Variants in TRPM3 observed in about 807,000 individuals in gnomAD.
The protein encoded by TRPM3 is transient receptor potential cation channel subfamily M member 3, also known as long transient receptor potential channel 3.
Under a neutral mutation model 181.2 loss-of-function variants are expected in TRPM3, and 77 were observed. That is an observed-to-expected ratio of 0.42 (90% CI 0.35 to 0.51). The LOEUF (loss-of-function observed/expected upper bound fraction) is 0.51, where lower values mean the gene tolerates loss of function less well. Among genes scored for constraint, TRPM3 ranks in the 20% least tolerant of loss-of-function variants. TRPM3 has a pLI of 0.01. For missense variants in TRPM3, 1,759 were observed against 2,196.7 expected, an observed-to-expected ratio of 0.80 and a Z score of 3.98; for synonymous variants, 745 against 796.4, an observed-to-expected ratio of 0.94 and a Z score of 1.09.
At chr9:70,777,204 C>T (rs2081526728) in intron 7 of TRPM3, among the ~76,000 whole-genome samples, 2 of 152,002 alleles carry the variant, frequency 1.3e-5, no homozygotes, top group South Asian at 4.2e-4. Context: ...AATTATGCAA[C>T]TATGTTTTCT....
Position 70,862,892 on chromosome 9 carries a change from A to C in TRPM3, c.462+16T>G, listed in dbSNP as rs752731224. On this transcript the variant is annotated intron_variant, in intron 3 of 25. Coordinates refer to ENST00000677713, the MANE Select transcript of TRPM3 (RefSeq NM_001366145.2). ...TGAGATAGCATTTGGGAGCAACTGA[A>C]TGGCTTTCTGATTACCATGGCTTTG... The C allele has an allele frequency of 6.2e-7, 1 of 1,612,564 alleles. No individual in the cohort carries two copies. The highest frequency in any genetic ancestry group is 8.5e-7 in the Non-Finnish European group (1 of 1,179,090).
In TRPM3 at chr9:71,081,984, G is replaced by A. The variant is rs932920330; in HGVS notation, c.177+39194C>T. Among the ~76,000 whole-genome samples, 6 of 152,208 alleles carry A rather than the reference G, an allele frequency of 3.9e-5. No homozygotes were observed. In the East Asian group the frequency reaches 1.2e-3, roughly 29 times the overall value. ...ATTTTATTTTTTTACTAGCAGAACT[G>A]TATGTCCTCGCACAGATGTAACAAC... On this transcript the variant is annotated intron_variant, in intron 1 of 25. Coordinates refer to ENST00000677713, the MANE Select transcript of TRPM3 (RefSeq NM_001366145.2).
chr9:71,127,940 A>G (rs940393929), intron 1 of TRPM3, among the ~76,000 whole-genome samples: 2 of 152,234 alleles, frequency 1.3e-5, no homozygotes, highest in East Asian at 3.8e-4. Context: ...AAACCTTAGA[A>G]GAAGTTCCCA....
At chr9:71,331,543 A>C in intron 1 of TRPM3, among the ~76,000 whole-genome samples, 1 of 151,650 alleles carries the variant, frequency 6.6e-6, no homozygotes, top group Non-Finnish European at 1.5e-5. Flanking sequence ...TTGCAAGAAG[A>C]ACCCCAATAT....
Position 71,066,900 on chromosome 9 carries a change from C to T in TRPM3, c.177+54278G>A, listed in dbSNP as rs185190289. Among the ~76,000 whole-genome samples the T allele has an allele frequency of 2.9e-4, 44 of 152,210 alleles. 1 individual carries two copies. Among genetic ancestry groups the T allele is most frequent in the Middle Eastern group, 3.4e-3 (1 of 294 alleles). ...ATCTCTCTGAAATCAAAAGTTAACA[C>T]CTTATAAGCTACACATTCATAACCC... is the stretch of plus-strand genomic sequence containing the variant. On this transcript the variant is annotated intron_variant, in intron 1 of 25. Coordinates refer to ENST00000677713, the MANE Select transcript of TRPM3 (RefSeq NM_001366145.2).
chr9:71,379,263 T>C (rs2092736624), intron 1 of TRPM3, among the ~76,000 whole-genome samples: 1 of 152,082 alleles, frequency 6.6e-6, no homozygotes, highest in Admixed American at 6.6e-5. Context: ...TCTGCAGATA[T>C]AAAATGTTGA....
At chr9:70,888,361 G>GA (rs1200543661) in intron 1 of TRPM3, among the ~76,000 whole-genome samples, 3 of 112,138 alleles carry the variant, frequency 2.7e-5, no homozygotes, top group African/African-American at 1.1e-4. Flanking sequence ...TTTTATTTTG[G>GA]GGTGTGTGTG....
chr9:70,862,955 A>C lies in TRPM3; in HGVS notation c.415T>G (p.Phe139Val), dbSNP rs1589346650. The change falls in exon 3 of 26, where the codon TTT (phenylalanine) becomes GTT (valine). Residue 139 changes from phenylalanine to valine, a missense_variant. Physicochemically the swap from Phe to Val is conservative, Grantham distance 50. Coordinates refer to ENST00000677713, the MANE Select transcript of TRPM3 (RefSeq NM_001366145.2). The part of the protein sequence containing the change: ...KHTQLSPTDA[F>V]GTIEFQGGGH... ...CCTCCTTGGAACTCAATGGTCCCAA[A>C]AGCATCCGTAGGGCTGAGTTGAGTG... 2 of 1,613,660 alleles carry C rather than the reference A, an allele frequency of 1.2e-6. No individual in the cohort carries two copies. Among genetic ancestry groups the C allele is most frequent in the Non-Finnish European group, 1.7e-6 (2 of 1,179,704 alleles).
chr9:71,417,869 T>C (rs1162905542), intron 1 of TRPM3, among the ~76,000 whole-genome samples: 2 of 151,990 alleles, frequency 1.3e-5, no homozygotes, highest in Non-Finnish European at 2.9e-5. Flanking sequence ...TTGCCTGTAC[T>C]TGATATATCA....
At chr9:71,435,240 T>C (rs528008416) in intron 1 of TRPM3, among the ~76,000 whole-genome samples, 1 of 152,262 alleles carries the variant, frequency 6.6e-6, no homozygotes, top group East Asian at 1.9e-4. Flanking sequence ...GTGAATAATA[T>C]ATAAAATATG....
At chr9:70,626,403 G>T (rs2064621165) in intron 12 of TRPM3, among the ~76,000 whole-genome samples, 1 of 152,110 alleles carries the variant, frequency 6.6e-6, no homozygotes, top group African/African-American at 2.4e-5. Flanking sequence ...ATCTATTTGG[G>T]ACAGACACAA....
intron 8 of TRPM3, among the ~76,000 whole-genome samples, chr9:70,690,293 A>G (rs1293876540): frequency 3.3e-5 from 5 of 152,196 alleles, no homozygotes; most frequent in Admixed American, 3.3e-4. Flanking sequence ...ATAGATAATC[A>G]ACAAAGAAAG....
chr9:71,168,555 TA>T (rs2076658073), intron 1 of TRPM3, among the ~76,000 whole-genome samples: 5 of 106,952 alleles, frequency 4.7e-5, no homozygotes, highest in African/African-American at 7.1e-5. Flanking sequence ...TTTATTTATT[TA>T]TTTATTTATT....
intron 1 of TRPM3, among the ~76,000 whole-genome samples, chr9:71,091,063 A>T (rs965438358): frequency 6.6e-6 from 1 of 152,018 alleles, no homozygotes; most frequent in African/African-American, 2.4e-5. Context: ...ATTGTACTTA[A>T]TGTTGCTGGG....
At chr9:71,352,793 C>A (rs528890694) in intron 1 of TRPM3, among the ~76,000 whole-genome samples, 348 of 152,250 alleles carry the variant, frequency 2.3e-3, no homozygotes, top group African/African-American at 7.9e-3. Flanking sequence ...CTATCTCAGG[C>A]ACCACCAAAA....
At chr9:71,210,050 G>A (rs1361264392) in intron 1 of TRPM3, among the ~76,000 whole-genome samples, 1 of 152,208 alleles carries the variant, frequency 6.6e-6, no homozygotes, top group African/African-American at 2.4e-5. Context: ...CGGCACAGCA[G>A]GAGGTGAGCG....
intron 1 of TRPM3, among the ~76,000 whole-genome samples, chr9:71,434,566 C>T (rs539098449): frequency 2.0e-4 from 30 of 152,296 alleles, no homozygotes; most frequent in Non-Finnish European, 3.5e-4. Flanking sequence ...GGAAAACTAT[C>T]TATTTATTGT....
intron 1 of TRPM3, among the ~76,000 whole-genome samples, chr9:71,179,611 T>C (rs1324468866): frequency 6.6e-6 from 1 of 152,138 alleles, no homozygotes; most frequent in African/African-American, 2.4e-5. Context: ...ACTGAAACTG[T>C]AACACAGAAT....
At chr9:70,593,139 C>T (rs2082585724) in intron 21 of TRPM3, among the ~76,000 whole-genome samples, 1 of 152,198 alleles carries the variant, frequency 6.6e-6, no homozygotes. Flanking sequence ...CTTCAAAATG[C>T]ATCTCACAAG....
Sources: allele counts gnomAD v4.1 joint callset (sites outside exome capture counted in the v4.1 genomes callset), GRCh38; gene constraint gnomAD v4.1.1; transcripts MANE v1.5; gene names NCBI Gene and HGNC (gene_info 2026-07-23, HGNC 2026-07-21).